Variants in PNP observed in about 807,000 individuals in gnomAD.
PNP encodes purine nucleoside phosphorylase.
In PNP, 18 loss-of-function variants were observed where a neutral mutation model predicts 26.8. The ratio of observed to expected loss-of-function variants is 0.67; its 90% CI spans 0.46 to 1.00. The LOEUF (loss-of-function observed/expected upper bound fraction) is 1.00. PNP is among the 50% of genes least tolerant of loss of function. The pLI is 0.00. For missense variants in PNP, 320 were observed against 362.9 expected, an observed-to-expected ratio of 0.88 and a Z score of 0.96; for synonymous variants, 116 against 124.8, an observed-to-expected ratio of 0.93 and a Z score of 0.47.
intron 1 of PNP, among the ~76,000 whole-genome samples, chr14:20,471,635 A>T (rs1294837656): frequency 6.6e-6 from 1 of 152,116 alleles, no homozygotes; most frequent in Non-Finnish European, 1.5e-5. Context: ...TAAGAATGGC[A>T]CGTAGACCTC....
In PNP at chr14:20,474,952, T is replaced by A; in HGVS notation, c.461+4T>A. On this transcript the variant is annotated splice_donor_region_variant and intron_variant, in intron 4 of 5. Transcript: ENST00000361505. The stretch of plus-strand genomic sequence containing the variant: ...TCAGAGGGCCCAATGATGAAAGGTA[T>A]GTATGTTACTCCGTTTTTTTTAGGT... 6.2e-7 allele frequency: 1 copy of A among 1,614,144 alleles called. No homozygotes were observed. The highest frequency in any genetic ancestry group is 1.1e-5 in the South Asian group (1 of 91,076).
In PNP at chr14:20,474,525, GTGA is replaced by G; in HGVS notation, c.241_243del (p.Met81del). On this transcript the variant is annotated inframe_deletion, in exon 3 of 6. Coordinates refer to ENST00000361505, the MANE Select transcript of PNP (RefSeq NM_000270.4). ...TGGGTTCCTGAATGGCAGGGCCTGT[GTGA>G]TGATGCAGGGCAGGTTCCACATGTA... is the stretch of plus-strand genomic sequence containing the variant. 1.9e-6 allele frequency: 3 copies of G among 1,614,226 alleles called. No individual in the cohort carries two copies. The highest frequency in any genetic ancestry group is 1.7e-6 in the Non-Finnish European group (2 of 1,180,042).
chr14:20,474,646 C>T, intron 3 of PNP, 71 bp downstream of exon 3: 2 of 1,539,364 alleles, frequency 1.3e-6, no homozygotes, highest in Non-Finnish European at 1.8e-6. Context: ...CTTTCACTAC[C>T]TAGCTATCTG....
intron 5 of PNP, 57 bp from the exon 6 acceptor site, chr14:20,476,327 A>C: frequency 1.5e-6 from 2 of 1,358,346 alleles, no homozygotes; most frequent in South Asian, 2.3e-5. Flanking sequence ...GCTAAAGGGC[A>C]AGGAAAAGAG....
Position 20,474,893 on chromosome 14 carries a change from A to G in PNP, c.406A>G (p.Ile136Val). The change falls in exon 4 of 6, where the codon ATC (isoleucine) becomes GTC (valine). Residue 136 changes from isoleucine to valine, a missense_variant. Ile to Val is a conservative substitution (Grantham distance 29). Transcript: ENST00000361505. Reference protein sequence around the residue: ...VGDIMLIRDHINLPGFSGQNP... With the variant: ...VGDIMLIRDHVNLPGFSGQNP... ...AGATATCATGCTGATCCGTGACCAT[A>G]TCAACCTACCTGGTTTCAGTGGTCA... 6.2e-7 allele frequency: 1 copy of G among 1,614,208 alleles called. No homozygotes were observed. The highest frequency in any genetic ancestry group is 1.6e-4 in the Middle Eastern group (1 of 6,062).
chr14:20,477,001 C>G lies in PNP; in HGVS notation c.*400C>G. 3.4e-6 allele frequency: 1 copy of G among 297,694 alleles called. No individual in the cohort carries two copies. Among genetic ancestry groups the G allele is most frequent in the Non-Finnish European group, 6.6e-6 (1 of 151,374 alleles). 18.4% of individuals were successfully genotyped at this position (297,694 alleles called of 1,614,324 possible). On this transcript the variant is annotated 3_prime_UTR_variant, in exon 6 of 6. Transcript: ENST00000361505. Reference sequence around the variant, plus strand: ...GGGCTCAGTTCTGCCTTATCTAAATCACCAGAGACCAAACAAGGACTAATC... The same window carrying G: ...GGGCTCAGTTCTGCCTTATCTAAATGACCAGAGACCAAACAAGGACTAATC...
Position 20,476,610 on chromosome 14 carries a change from G to A in PNP, c.*9G>A. On this transcript the variant is annotated 3_prime_UTR_variant, in exon 6 of 6. Coordinates refer to ENST00000361505, the MANE Select transcript of PNP (RefSeq NM_000270.4). The stretch of plus-strand genomic sequence containing the variant: ...CTGACAAAGCCAGTTGACCTGCCTT[G>A]GAGTCGTCTGGCATCTCCCACACAA... 2 of 1,612,042 alleles carry A rather than the reference G, an allele frequency of 1.2e-6. No individual in the cohort carries two copies.
Position 20,474,478 on chromosome 14 carries a change from G to A in PNP, c.188G>A (p.Gly63Asp). Reference sequence around the variant, plus strand: ...CTTTCTGTTTTGTATACAGTGCCAGGTCATGCTGGCCGACTGGTGTTTGGG... The same window carrying A: ...CTTTCTGTTTTGTATACAGTGCCAGATCATGCTGGCCGACTGGTGTTTGGG... ...IPNFPRSTVP[G>D]HAGRLVFGFL... The change falls in exon 3 of 6, where the codon GGT becomes GAT. Residue 63 changes from glycine (G) to aspartate (D), a missense_variant. By Grantham distance (94) the Gly-to-Asp change is moderately conservative. Transcript: ENST00000361505. 1 of 1,613,986 alleles carries A rather than the reference G, an allele frequency of 6.2e-7. No homozygotes were observed. The highest frequency in any genetic ancestry group is 1.1e-5 in the South Asian group (1 of 91,078).
At chr14:20,470,866 C>G (rs1238845528) in intron 1 of PNP, among the ~76,000 whole-genome samples, 1 of 152,026 alleles carries the variant, frequency 6.6e-6, no homozygotes, top group Non-Finnish European at 1.5e-5. Flanking sequence ...TCAGATTGAG[C>G]CTATAAGATA....
In PNP at chr14:20,476,432, G is replaced by T; in HGVS notation, c.701G>T (p.Arg234Leu). 1 of 1,614,204 alleles carries T rather than the reference G, an allele frequency of 6.2e-7. No individual in the cohort carries two copies. The highest frequency in any genetic ancestry group is 8.5e-7 in the Non-Finnish European group (1 of 1,180,036). ...EVIVARHCGL[R>L]VFGFSLITNK... Reference sequence around the variant, plus strand: ...ATCGTTGCACGGCACTGTGGACTTCGAGTCTTTGGCTTCTCACTCATCACT... The same window carrying T: ...ATCGTTGCACGGCACTGTGGACTTCTAGTCTTTGGCTTCTCACTCATCACT... Residue 234 changes from arginine to leucine, a missense_variant, in exon 6 of 6, where the codon CGA (arginine) becomes CTA (leucine). By Grantham distance (102) the Arg-to-Leu change is moderately radical (BLOSUM62 -2). Transcript: ENST00000361505.
At chr14:20,472,538 C>G in intron 2 of PNP, 61 bp downstream of exon 2, 1 of 1,501,116 alleles carries the variant, frequency 6.7e-7, no homozygotes, top group Non-Finnish European at 9.2e-7. Flanking sequence ...CTGTGGAACA[C>G]AACCAAGGAG....
In PNP at chr14:20,472,356, C is replaced by G; in HGVS notation, c.60C>G (p.His20Gln). ...YKNTAEWLLS[H>Q]TKHRPQVAII... ...ACACTGCAGAATGGCTTCTGTCTCA[C>G]ACTAAGCACCGACCTCAAGTTGCAA... The change falls in exon 2 of 6, where the codon CAC becomes CAG. Residue 20 changes from histidine to glutamine, a missense_variant. Transcript: ENST00000361505. 1 of 1,613,454 alleles carries G rather than the reference C, an allele frequency of 6.2e-7. No individual in the cohort carries two copies. The highest frequency in any genetic ancestry group is 1.1e-5 in the South Asian group (1 of 91,074).
rs1881934168 is a variant in PNP at position 20,469,409 on chromosome 14, T to C, written c.-116T>C. 1 of 1,393,926 alleles carries C rather than the reference T, an allele frequency of 7.2e-7. No individual in the cohort carries two copies. The highest frequency in any genetic ancestry group is 1.4e-5 in the African/African-American group (1 of 69,956). 86.3% of individuals were successfully genotyped at this position (1,393,926 alleles called of 1,614,324 possible). ...CCAGAGCCTAGACCAGTGAGCCAAC[T>C]GTGCGAACCAGACCCGGCAGCCTTG... On this transcript the variant is annotated 5_prime_UTR_variant, in exon 1 of 6. Transcript: ENST00000361505.
At chr14:20,475,863 C>CT (rs1882097585) in intron 5 of PNP, among the ~76,000 whole-genome samples, 1 of 152,192 alleles carries the variant, frequency 6.6e-6, no homozygotes, top group African/African-American at 2.4e-5. Flanking sequence ...AGATGGAACT[C>CT]TATCATTAGG....
chr14:20,469,571 AGGGG>A, intron 1 of PNP, 36 bp downstream of exon 1: 1 of 1,553,830 alleles, frequency 6.4e-7, no homozygotes, highest in South Asian at 1.2e-5. Flanking sequence ...ACCCTTGGGG[AGGGG>A]CAGGTGCTGT....
In PNP at chr14:20,476,842, A is replaced by AG; in HGVS notation, c.*241_*242insG. 3.7e-6 allele frequency: 2 copies of AG among 533,784 alleles called. No individual in the cohort carries two copies. Among genetic ancestry groups the AG allele is most frequent in the South Asian group, 4.0e-5 (2 of 50,060 alleles). 33.1% of individuals were successfully genotyped at this position (533,784 alleles called of 1,614,324 possible). A position where few individuals can be genotyped will look rare whatever the true frequency, so the allele number is the denominator to read the frequency against. ...GGCGCTACAAAATAAAGCTGTTCTC[A>AG]TTCCTGTTCTTTCTTACACAAGAGC... On this transcript the variant is annotated 3_prime_UTR_variant, in exon 6 of 6. Coordinates refer to ENST00000361505, the MANE Select transcript of PNP (RefSeq NM_000270.4).
intron 2 of PNP, 112 bp from the exon 3 acceptor site, chr14:20,474,360 T>A: frequency 1.1e-6 from 1 of 898,884 alleles, no homozygotes; most frequent in Middle Eastern, 2.2e-4. Flanking sequence ...GTCTTTTACT[T>A]AATTACAACC....
chr14:20,475,751 G>C (rs8008133), intron 5 of PNP, among the ~76,000 whole-genome samples: 7,825 of 152,120 alleles, frequency 0.051, 391 homozygotes, highest in African/African-American at 0.12. Flanking sequence ...CTCCTAAAGT[G>C]CTGGCATTAC....
chr14:20,475,294 T>G (rs937580307), intron 5 of PNP, 42 bp downstream of exon 5: 2 of 1,564,780 alleles, frequency 1.3e-6, no homozygotes. Flanking sequence ...GAGGGAGGGG[T>G]TTAGCAAAAT....
Sources: gnomAD v4.1 joint callset for allele counts (sites outside exome capture counted in the v4.1 genomes callset) on GRCh38, gnomAD v4.1.1 for gene constraint, MANE v1.5 for transcripts, NCBI Gene and HGNC (gene_info 2026-07-23, HGNC 2026-07-21) for gene names.